Variants in ANKRD17 observed in about 807,000 individuals in gnomAD.
ANKRD17 encodes ankyrin repeat domain 17.
In ANKRD17, 19 loss-of-function variants were observed where a neutral mutation model predicts 229.7. That is an observed-to-expected ratio of 0.08 (90% confidence interval 0.06 to 0.12). The LOEUF (loss-of-function observed/expected upper bound fraction) is 0.12. Among genes scored for constraint, ANKRD17 ranks in the 10% least tolerant of loss-of-function variants. The probability of loss-of-function intolerance (pLI) is 1.00; values close to 1 mark genes in which losing one functional copy is unlikely to be tolerated. For missense variants in ANKRD17, 2,176 were observed against 3,176.8 expected, an observed-to-expected ratio of 0.68 and a Z score of 7.57; for synonymous variants, 1,112 against 1,146.1, an observed-to-expected ratio of 0.97 and a Z score of 0.60.
intron 1 of ANKRD17, among the ~76,000 whole-genome samples, chr4:73,191,335 A>ATGTGTGTG (rs1491423447): frequency 3.4e-5 from 3 of 88,684 alleles, no homozygotes; most frequent in African/African-American, 1.3e-4. Flanking sequence ...CTACCAAAAA[A>ATGTGTGTG]TATATATGTG....
At chr4:73,093,945 A>C in intron 28 of ANKRD17, 134 bp downstream of exon 28, 1 of 828,264 alleles carries the variant, frequency 1.2e-6, no homozygotes, top group Non-Finnish European at 1.8e-6. Context: ...TTATCTTCTC[A>C]AACACTAATA....
rs879846532 is a variant in ANKRD17, at chr4:73,216,600, T to C, written c.394-39067A>G. On this transcript the variant is annotated intron_variant, in intron 1 of 33. Coordinates refer to ENST00000358602, the MANE Select transcript of ANKRD17 (RefSeq NM_032217.5). ...TATGCAGATTACTTCATTTATTCCT[T>C]ATAAGCTGCTTATGAAGTGGGTACC... is the stretch of plus-strand genomic sequence containing the variant. 3.3e-5 allele frequency among the ~76,000 whole-genome samples: 5 copies of C among 152,220 alleles called. 1 individual carries two copies. The highest frequency in any genetic ancestry group is 1.2e-4 in the African/African-American group (5 of 41,458).
At chr4:73,149,474 C>A (rs1422975140) in intron 7 of ANKRD17, among the ~76,000 whole-genome samples, 1 of 152,112 alleles carries the variant, frequency 6.6e-6, no homozygotes, top group African/African-American at 2.4e-5. Context: ...AAAAATGGAA[C>A]CCTTTTTGGA....
chr4:73,122,970 A>C (rs2148708786), intron 18 of ANKRD17, among the ~76,000 whole-genome samples: 1 of 152,212 alleles, frequency 6.6e-6, no homozygotes, highest in East Asian at 1.9e-4. Context: ...ATGACTTTCC[A>C]ACATTTTATT....
rs149395881 is a variant in ANKRD17 at position 73,167,605 on chromosome 4, T to C, written c.548-6257A>G. ...TGTCTTCAGGAGAAACATTCCCTGC[T>C]CCTCTGAGGTATATTTTTAAATAAT... On this transcript the variant is annotated intron_variant, in intron 2 of 33. Coordinates refer to ENST00000358602, the MANE Select transcript of ANKRD17 (RefSeq NM_032217.5). Among the ~76,000 whole-genome samples, 187 of 152,320 alleles carry C rather than the reference T, an allele frequency of 1.2e-3. 1 individual carries two copies. Among genetic ancestry groups the C allele is most frequent in the African/African-American group, 4.2e-3 (173 of 41,568 alleles).
At chr4:73,212,201 T>C (rs1268538990) in intron 1 of ANKRD17, among the ~76,000 whole-genome samples, 1 of 152,028 alleles carries the variant, frequency 6.6e-6, no homozygotes, top group Non-Finnish European at 1.5e-5. Flanking sequence ...AACCAGCATT[T>C]ACTATGTTCT....
At chr4:73,207,989 C>T (rs1019010223) in intron 1 of ANKRD17, among the ~76,000 whole-genome samples, 5 of 152,040 alleles carry the variant, frequency 3.3e-5, no homozygotes, top group Non-Finnish European at 7.4e-5. Context: ...GAGATCGAGA[C>T]CATCCTGGCT....
At chr4:73,155,519 G>T in intron 5 of ANKRD17, 112 bp downstream of exon 5, 1 of 1,115,396 alleles carries the variant, frequency 9.0e-7, no homozygotes, top group Non-Finnish European at 1.3e-6. Context: ...AGAATATGTA[G>T]CACTTCTAAT....
At chr4:73,236,951 C>T (rs987427613) in intron 1 of ANKRD17, among the ~76,000 whole-genome samples, 2 of 152,024 alleles carry the variant, frequency 1.3e-5, no homozygotes, top group Non-Finnish European at 2.9e-5. Flanking sequence ...TGCTTTTTTC[C>T]TGGAGAAATA....
At chr4:73,215,562 A>G (rs1414705044) in intron 1 of ANKRD17, among the ~76,000 whole-genome samples, 1 of 152,126 alleles carries the variant, frequency 6.6e-6, no homozygotes, top group African/African-American at 2.4e-5. Context: ...CTGGCTGAAA[A>G]TGTGATTTTT....
Position 73,188,832 on chromosome 4 carries a change from T to C in ANKRD17, c.394-11299A>G, listed in dbSNP as rs755791208. Among the ~76,000 whole-genome samples, 3 of 152,200 alleles carry C rather than the reference T, an allele frequency of 2.0e-5. No individual in the cohort carries two copies. The South Asian group carries it at 6.2e-4, about 31-fold the overall frequency. ...TATAAGCCTTTGGCGAGAATGATTA[T>C]GAAAAATGAGAGACAGAGAAAAATA... is the stretch of plus-strand genomic sequence containing the variant. On this transcript the variant is annotated intron_variant, in intron 1 of 33. Coordinates refer to ENST00000358602, the MANE Select transcript of ANKRD17 (RefSeq NM_032217.5).
intron 25 of ANKRD17, 121 bp from the exon 26 acceptor site, chr4:73,098,641 T>C (rs1723583281): frequency 2.0e-6 from 2 of 976,090 alleles, no homozygotes; most frequent in Non-Finnish European, 1.5e-6. Context: ...GCCATGTAAG[T>C]TATTCTCACA....
chr4:73,250,796 TC>T (rs1389620697), intron 1 of ANKRD17, among the ~76,000 whole-genome samples: 1 of 151,502 alleles, frequency 6.6e-6, no homozygotes, highest in Admixed American at 6.6e-5. Flanking sequence ...AACCTCTGCC[TC>T]CCAGGTTAAA....
At chr4:73,193,531 C>T (rs1452814671) in intron 1 of ANKRD17, among the ~76,000 whole-genome samples, 1 of 152,162 alleles carries the variant, frequency 6.6e-6, no homozygotes, top group Admixed American at 6.5e-5. Context: ...GGCTTTTCCC[C>T]CCTTTGTAGT....
intron 1 of ANKRD17, among the ~76,000 whole-genome samples, chr4:73,235,221 G>A (rs1743394367): frequency 6.6e-6 from 1 of 152,096 alleles, no homozygotes; most frequent in Admixed American, 6.6e-5. Flanking sequence ...GTCACCACAG[G>A]AGTGGCCACT....
At chr4:73,090,107 TGA>T (rs1722642069) in intron 29 of ANKRD17, among the ~76,000 whole-genome samples, 1 of 152,086 alleles carries the variant, frequency 6.6e-6, no homozygotes, top group Admixed American at 6.6e-5. Flanking sequence ...GAAAGACTTC[TGA>T]GAGAGAAAAA....
chr4:73,241,101 G>A (rs907394708), intron 1 of ANKRD17, among the ~76,000 whole-genome samples: 10 of 152,052 alleles, frequency 6.6e-5, no homozygotes, highest in South Asian at 2.1e-4. Flanking sequence ...GTGAGCCACC[G>A]TGCCCGGCCC....
chr4:73,134,076 T>C (rs945835448), intron 16 of ANKRD17, among the ~76,000 whole-genome samples: 15 of 152,026 alleles, frequency 9.9e-5, no homozygotes, highest in Non-Finnish European at 1.6e-4. Flanking sequence ...CAAAAGTCAG[T>C]ACATAAAAAA....
chr4:73,079,852 C>A (rs543068546), intron 30 of ANKRD17, among the ~76,000 whole-genome samples: 111 of 152,282 alleles, frequency 7.3e-4, no homozygotes, highest in African/African-American at 2.5e-3. Flanking sequence ...CGGTGGCACA[C>A]ACCTGTAATC....
Sources: allele counts gnomAD v4.1 joint callset (sites outside exome capture counted in the v4.1 genomes callset), GRCh38; gene constraint gnomAD v4.1.1; transcripts MANE v1.5; gene names NCBI Gene and HGNC (gene_info 2026-07-23, HGNC 2026-07-21).